TTC33: variants seen among roughly 807,000 people sequenced by gnomAD.
TTC33 encodes tetratricopeptide repeat protein 33.
TTC33 carries 24 observed loss-of-function variants against 29.4 expected under a neutral mutation model. That is an observed-to-expected ratio of 0.82 (90% CI 0.59 to 1.15). TTC33 has a LOEUF of 1.15. Ranked by LOEUF, TTC33 falls within the 50% of genes most tolerant of loss-of-function variation. The pLI, the probability that TTC33 is intolerant of heterozygous loss-of-function variation, is 0.00. For synonymous variants in TTC33, 107 were observed against 100.3 expected (o/e 1.07, Z -0.40); for missense variants, 286 against 310.4 (o/e 0.92, Z 0.59).
intron 2 of TTC33, among the ~76,000 whole-genome samples, chr5:40,745,251 A>C (rs1024263879): frequency 4.7e-4 from 71 of 152,150 alleles, no homozygotes; most frequent in Non-Finnish European, 1.8e-4. Flanking sequence ...CTAAACATGA[A>C]CTAATATTAG....
At position 40,728,352 on chromosome 5, in the gene TTC33, A is replaced by C. The variant is rs199996714; in HGVS notation, c.428T>G (p.Ile143Arg). The change falls in exon 4 of 5, where the codon ATA (isoleucine) becomes AGA (arginine). Residue 143 changes from isoleucine (I) to arginine (R), a missense_variant. By Grantham distance (97) the Ile-to-Arg change is moderately conservative. Transcript: ENST00000337702. The part of the protein sequence containing the change: ...LGRAQLGLGE[I>R]ILAIRSFQVA... Reference sequence around the variant, plus strand: ...ATAATCTGACTTCCTCACCAGGATTATCTCTCCTAAACCAAGTTGAGCACG... The same window carrying C: ...ATAATCTGACTTCCTCACCAGGATTCTCTCTCCTAAACCAAGTTGAGCACG... 7.5e-6 allele frequency: 12 copies of C among 1,594,218 alleles called. No homozygotes were observed. Among genetic ancestry groups the C allele is most frequent in the East Asian group, 2.3e-5 (1 of 44,248 alleles).
chr5:40,738,912 T>C (rs995566560), intron 2 of TTC33, among the ~76,000 whole-genome samples: 7 of 152,314 alleles, frequency 4.6e-5, no homozygotes, highest in Non-Finnish European at 1.0e-4. Context: ...TTCTTCCTAC[T>C]GAGTTGTAAG....
intron 2 of TTC33, among the ~76,000 whole-genome samples, chr5:40,745,999 AT>A (rs1742781677): frequency 6.6e-6 from 1 of 152,112 alleles, no homozygotes; most frequent in Non-Finnish European, 1.5e-5. Context: ...TCTTCTATTA[AT>A]TGCATAGTTT....
intron 1 of TTC33, among the ~76,000 whole-genome samples, chr5:40,754,727 G>A (rs1294067188): frequency 1.3e-5 from 2 of 152,212 alleles, no homozygotes; most frequent in African/African-American, 2.4e-5. Flanking sequence ...TCAGAGAAGA[G>A]ACACTTGAGG....
At chr5:40,726,214 T>TTA (rs145884228) in intron 4 of TTC33, among the ~76,000 whole-genome samples, 47,974 of 149,176 alleles carry the variant, frequency 0.32, 8,283 homozygotes, top group East Asian at 0.55. Context: ...CATACATATT[T>TTA]TATATATATA....
In TTC33 at chr5:40,712,755, A is replaced by C. The variant is rs1345380991; in HGVS notation, c.*3390T>G. 6.6e-6 allele frequency among the ~76,000 whole-genome samples: 1 copy of C among 152,142 alleles called. No individual in the cohort carries two copies. The highest frequency in any genetic ancestry group is 2.4e-5 in the African/African-American group (1 of 41,442). On this transcript the variant is annotated 3_prime_UTR_variant, in exon 5 of 5. Transcript: ENST00000337702. ...CCTCCTTTCCTGGTGAAGTGAGAGAAAGAGATTAGAATTCCTTGGTAAATG... is the reference window on the plus strand; with the variant it reads ...CCTCCTTTCCTGGTGAAGTGAGAGACAGAGATTAGAATTCCTTGGTAAATG...
At chr5:40,725,350 A>C (rs1373994309) in intron 4 of TTC33, among the ~76,000 whole-genome samples, 1 of 152,086 alleles carries the variant, frequency 6.6e-6, no homozygotes, top group African/African-American at 2.4e-5. Context: ...TCACTTGTCC[A>C]TCCCATTACT....
intron 1 of TTC33, among the ~76,000 whole-genome samples, chr5:40,748,233 G>A (rs767917166): frequency 1.6e-4 from 25 of 151,558 alleles, no homozygotes; most frequent in Admixed American, 8.6e-4. Flanking sequence ...AGTTTTGCTC[G>A]TTTCCCCAGC....
intron 1 of TTC33, among the ~76,000 whole-genome samples, chr5:40,748,505 T>C (rs1364735686): frequency 6.6e-6 from 1 of 152,340 alleles, no homozygotes; most frequent in Non-Finnish European, 1.5e-5. Context: ...AAATTATGGC[T>C]ATTTTTTCTT....
chr5:40,743,649 T>C (rs1742739840), intron 2 of TTC33, among the ~76,000 whole-genome samples: 1 of 152,038 alleles, frequency 6.6e-6, no homozygotes, highest in Non-Finnish European at 1.5e-5. Flanking sequence ...GGCACACACT[T>C]GTAATCCCAG....
intron 2 of TTC33, among the ~76,000 whole-genome samples, chr5:40,741,523 G>A (rs2111922607): frequency 6.6e-6 from 1 of 152,252 alleles, no homozygotes; most frequent in East Asian, 1.9e-4. Context: ...ATAGACTTCT[G>A]GAGCTTTTTC....
At chr5:40,750,284 C>T (rs1474664778) in intron 1 of TTC33, among the ~76,000 whole-genome samples, 1 of 151,608 alleles carries the variant, frequency 6.6e-6, no homozygotes, top group Non-Finnish European at 1.5e-5. Context: ...AATAAGACAA[C>T]AGCGGTCAGG....
At chr5:40,719,595 T>C (rs1742082670) in intron 4 of TTC33, among the ~76,000 whole-genome samples, 3 of 152,238 alleles carry the variant, frequency 2.0e-5, no homozygotes, top group Admixed American at 6.5e-5. Context: ...ATGATAACTA[T>C]ATGTTTCATT....
intron 1 of TTC33, among the ~76,000 whole-genome samples, chr5:40,747,515 T>A (rs749381262): frequency 3.3e-5 from 5 of 152,038 alleles, no homozygotes; most frequent in Non-Finnish European, 5.9e-5. Flanking sequence ...ATCACACACC[T>A]CCTGATGGAA....
At chr5:40,748,345 C>T (rs1204916828) in intron 1 of TTC33, among the ~76,000 whole-genome samples, 4 of 152,110 alleles carry the variant, frequency 2.6e-5, no homozygotes, top group Non-Finnish European at 5.9e-5. Flanking sequence ...TACAGGCATG[C>T]GTCACAATGC....
In TTC33 at chr5:40,713,777, ATATCAT is replaced by A. The variant is rs1224374691; in HGVS notation, c.*2362_*2367del. ...ATTTCAGAAAGTATATTAAACATCT[ATATCAT>A]TATCATGAACATCAATTCTCTTCAG... On this transcript the variant is annotated 3_prime_UTR_variant, in exon 5 of 5. Transcript: ENST00000337702. 6.6e-6 allele frequency among the ~76,000 whole-genome samples: 1 copy of A among 152,206 alleles called. No individual in the cohort carries two copies. The highest frequency in any genetic ancestry group is 1.5e-5 in the Non-Finnish European group (1 of 68,020).
At chr5:40,725,463 G>A (rs1325112233) in intron 4 of TTC33, among the ~76,000 whole-genome samples, 1 of 152,146 alleles carries the variant, frequency 6.6e-6, no homozygotes, top group African/African-American at 2.4e-5. Context: ...GCTAAAATGA[G>A]ACTTGGAAAA....
intron 1 of TTC33, among the ~76,000 whole-genome samples, chr5:40,754,208 CA>C (rs1742945261): frequency 6.6e-6 from 1 of 152,170 alleles, no homozygotes; most frequent in Non-Finnish European, 1.5e-5. Context: ...ACCTAGAGAT[CA>C]GGGGCTGCAG....
chr5:40,755,458 G>C (rs1021751151), intron 1 of TTC33, among the ~76,000 whole-genome samples: 4 of 152,212 alleles, frequency 2.6e-5, no homozygotes, highest in African/African-American at 7.2e-5. Context: ...GCGCGTTCAC[G>C]GACCGCCCCG....
Sources: gnomAD v4.1 joint callset for allele counts (sites outside exome capture counted in the v4.1 genomes callset) on GRCh38, gnomAD v4.1.1 for gene constraint, MANE v1.5 for transcripts, NCBI Gene and HGNC (gene_info 2026-07-23, HGNC 2026-07-21) for gene names.